Variants in MITF observed in about 807,000 individuals in gnomAD.
MITF encodes the protein microphthalmia-associated transcription factor.
Under a neutral mutation model 60.5 loss-of-function variants are expected in MITF, and 17 were observed. That is an observed-to-expected ratio of 0.28 (90% confidence interval 0.19 to 0.42). The LOEUF is 0.42. Ranked by LOEUF, MITF falls within the 10% of genes least tolerant of loss-of-function variation. MITF has a pLI of 1.00. For synonymous variants in MITF, 260 were observed against 248.5 expected, an observed-to-expected ratio of 1.05 and a Z score of -0.43; for missense variants, 622 against 683.5, an observed-to-expected ratio of 0.91 and a Z score of 1.00.
intron 1 of MITF, among the ~76,000 whole-genome samples, chr3:69,792,975 G>A (rs368807677): frequency 8.7e-5 from 3 of 34,348 alleles, no homozygotes; most frequent in African/African-American, 3.4e-4. Flanking sequence ...ATTTTTTCTT[G>A]TTTTATGGGC....
At chr3:69,963,541 A>G (rs2066602840) in intron 9 of MITF, among the ~76,000 whole-genome samples, 1 of 152,212 alleles carries the variant, frequency 6.6e-6, no homozygotes, top group South Asian at 2.1e-4. Flanking sequence ...TTGAAAGGAA[A>G]TAGCATTTTT....
rs188997195 is a variant in MITF at position 69,947,581 on chromosome 3, C to A, written c.763-1470C>A. 4.7e-3 allele frequency among the ~76,000 whole-genome samples: 717 copies of A among 152,182 alleles called. 2 individuals are homozygous for A. The highest frequency in any genetic ancestry group is 0.016 in the African/African-American group (673 of 41,528). On this transcript the variant is annotated intron_variant, in intron 5 of 9. Transcript: ENST00000352241. Reference sequence around the variant, plus strand: ...TACCATACAAGGGCATTTTAAATGACCACGATGTCTATTTTTGTGCCTGTG... The same window carrying A: ...TACCATACAAGGGCATTTTAAATGAACACGATGTCTATTTTTGTGCCTGTG...
At chr3:69,856,647 A>C (rs529679676) in intron 1 of MITF, among the ~76,000 whole-genome samples, 2 of 152,184 alleles carry the variant, frequency 1.3e-5, no homozygotes, top group South Asian at 4.1e-4. Flanking sequence ...AAGGAAGCCT[A>C]TCATTCTCCC....
chr3:69,795,325 T>C (rs2106929870), intron 1 of MITF, among the ~76,000 whole-genome samples: 1 of 152,336 alleles, frequency 6.6e-6, no homozygotes, highest in South Asian at 2.1e-4. Flanking sequence ...GAGCCTGATA[T>C]ACGACACTTC....
At chr3:69,768,305 G>C (rs1428537736) in intron 1 of MITF, among the ~76,000 whole-genome samples, 1 of 152,112 alleles carries the variant, frequency 6.6e-6, no homozygotes, top group Non-Finnish European at 1.5e-5. Flanking sequence ...GCCTTATATG[G>C]AGCATGCTTG....
chr3:69,885,961 T>C (rs2064605979), intron 2 of MITF, among the ~76,000 whole-genome samples: 1 of 152,086 alleles, frequency 6.6e-6, no homozygotes, highest in African/African-American at 2.4e-5. Context: ...CTCTGTGAGG[T>C]AGTTATTATT....
intron 1 of MITF, among the ~76,000 whole-genome samples, chr3:69,752,810 G>A (rs1292483375): frequency 2.6e-5 from 4 of 152,178 alleles, no homozygotes; most frequent in Non-Finnish European, 4.4e-5. Flanking sequence ...ATTTAAAAGT[G>A]TGTAGGACCT....
At chr3:69,962,873 A>G (rs919328788) in intron 9 of MITF, among the ~76,000 whole-genome samples, 2 of 152,178 alleles carry the variant, frequency 1.3e-5, no homozygotes, top group Non-Finnish European at 2.9e-5. Context: ...GTGGTAAACA[A>G]GAGTTATTTT....
Position 69,895,042 on chromosome 3 carries a change from G to A in MITF, c.354+15659G>A, listed in dbSNP as rs141716565. Among the ~76,000 whole-genome samples, 477 of 150,984 alleles carry A rather than the reference G, an allele frequency of 3.2e-3. 13 individuals are homozygous for A. Among genetic ancestry groups the A allele is most frequent in the Admixed American group, 0.026 (393 of 15,184 alleles). On this transcript the variant is annotated intron_variant, in intron 2 of 9. Coordinates refer to ENST00000352241, the MANE Select transcript of MITF (RefSeq NM_001354604.2). ...GGGTGTAGGTCTCCCCATCTGAGTC[G>A]TCTCAGACTTCCCTCCTAGCCTGGA...
chr3:69,833,595 G>T (rs1050639904), intron 1 of MITF, among the ~76,000 whole-genome samples: 1 of 145,328 alleles, frequency 6.9e-6, no homozygotes, highest in East Asian at 2.1e-4. Context: ...CACTGTATGT[G>T]GTTGTTTTTC....
intron 2 of MITF, among the ~76,000 whole-genome samples, chr3:69,911,141 A>G (rs1284994575): frequency 6.6e-6 from 1 of 152,096 alleles, no homozygotes; most frequent in African/African-American, 2.4e-5. Context: ...TGGGTTTATC[A>G]GGGGTTTCTG....
At chr3:69,789,740 C>A (rs1037914028) in intron 1 of MITF, among the ~76,000 whole-genome samples, 1 of 152,084 alleles carries the variant, frequency 6.6e-6, no homozygotes, top group Non-Finnish European at 1.5e-5. Flanking sequence ...CCTGTAGTCC[C>A]ACATACTTGG....
intron 2 of MITF, among the ~76,000 whole-genome samples, chr3:69,934,538 A>G (rs1369692660): frequency 6.6e-6 from 1 of 152,226 alleles, no homozygotes; most frequent in Non-Finnish European, 1.5e-5. Context: ...GAAAACACAC[A>G]TATGAGGCAA....
chr3:69,816,610 G>A (rs1395782373), intron 1 of MITF, among the ~76,000 whole-genome samples: 7 of 152,132 alleles, frequency 4.6e-5, no homozygotes, highest in African/African-American at 1.4e-4. Flanking sequence ...TGTGGACTTC[G>A]GATTTGGTTC....
intron 2 of MITF, among the ~76,000 whole-genome samples, chr3:69,923,202 A>C (rs1016128189): frequency 6.6e-6 from 1 of 152,218 alleles, no homozygotes; most frequent in Non-Finnish European, 1.5e-5. Context: ...TCATAAAGTG[A>C]TTAGGAGTAA....
chr3:69,902,658 G>A (rs1305850964), intron 2 of MITF, among the ~76,000 whole-genome samples: 2 of 152,062 alleles, frequency 1.3e-5, no homozygotes, highest in African/African-American at 4.8e-5. Flanking sequence ...TAGAATGCTG[G>A]TTTCATCTTC....
rs1188943383 is a variant in MITF, at chr3:69,739,619, G to A, written c.22G>A (p.Val8Met). ...AGCCATGCAGTCCGAATCGGGGATC[G>A]TGCCGGATTTCGAAGTCGGGGAGGA... is the stretch of plus-strand genomic sequence containing the variant. MQSESGIVPDFEVGEEFH... is the reference protein window; with the variant it reads MQSESGIMPDFEVGEEFH... Residue 8 changes from valine (V) to methionine (M), a missense_variant, in exon 1 of 10, where the codon GTG (valine) becomes ATG (methionine). This residue lies in a region of MITF where 149 missense variants were observed against 157.8 expected (regional missense o/e 0.94). Coordinates refer to ENST00000352241, the MANE Select transcript of MITF (RefSeq NM_001354604.2). The A allele has an allele frequency of 1.3e-6, 2 of 1,580,190 alleles. No homozygotes were observed. Among genetic ancestry groups the A allele is most frequent in the African/African-American group, 2.7e-5 (2 of 74,548 alleles).
chr3:69,748,144 C>T (rs1262620085), intron 1 of MITF, among the ~76,000 whole-genome samples: 1 of 152,210 alleles, frequency 6.6e-6, no homozygotes, highest in Admixed American at 6.5e-5. Context: ...CAGGAAGTGG[C>T]ATGCATTTAA....
intron 3 of MITF, chr3:69,938,367 G>C: frequency 6.4e-7 from 1 of 1,569,660 alleles, no homozygotes; most frequent in Non-Finnish European, 8.6e-7. Context: ...GAAGCAGTGA[G>C]AATGCAGAGA....
Sources: gnomAD v4.1 joint callset for allele counts (sites outside exome capture counted in the v4.1 genomes callset) on GRCh38, gnomAD v4.1.1 for gene constraint, gnomAD v4.1.1 regional missense constraint, MANE v1.5 for transcripts, NCBI Gene and HGNC (gene_info 2026-07-23, HGNC 2026-07-21) for gene names.